CNTNAP2: variants seen among roughly 807,000 people sequenced by gnomAD.
CNTNAP2 encodes contactin-associated protein-like 2.
A neutral mutation model predicts 155.2 loss-of-function variants in CNTNAP2; 98 were observed. The ratio of observed to expected loss-of-function variants is 0.63; its 90% CI spans 0.54 to 0.75. The LOEUF is 0.75. Ranked by LOEUF, CNTNAP2 falls within the 30% of genes least tolerant of loss-of-function variation. The probability of loss-of-function intolerance (pLI) is 0.00; values close to 1 mark genes in which losing one functional copy is unlikely to be tolerated. For missense variants in CNTNAP2, 1,727 were observed against 1,688.1 expected, an observed-to-expected ratio of 1.02 and a Z score of -0.40; for synonymous variants, 651 against 631.2, an observed-to-expected ratio of 1.03 and a Z score of -0.47.
chr7:146,462,219 C>T (rs1796647784), intron 1 of CNTNAP2, among the ~76,000 whole-genome samples: 1 of 152,158 alleles, frequency 6.6e-6, no homozygotes, highest in South Asian at 2.1e-4. Flanking sequence ...ACTGTTTTAT[C>T]TCTACTTAAA....
chr7:146,588,531 T>A lies in CNTNAP2; in HGVS notation c.98-185740T>A, dbSNP rs1299088432. On this transcript the variant is annotated intron_variant, in intron 1 of 23. Coordinates refer to ENST00000361727, the MANE Select transcript of CNTNAP2 (RefSeq NM_014141.6). ...CTTATTATATGTATTTTTTTTTTTTTAAATTTACTCTGTCAATCAGGCTGA... is the reference window on the plus strand; with the variant it reads ...CTTATTATATGTATTTTTTTTTTTTAAAATTTACTCTGTCAATCAGGCTGA... Among the ~76,000 whole-genome samples, 13 of 81,068 alleles carry A rather than the reference T, an allele frequency of 1.6e-4. No homozygotes were observed. The East Asian group carries it at 2.0e-3, about 12-fold the overall frequency. 53.2% of individuals were successfully genotyped at this position (81,068 alleles called of 152,430 possible).
At chr7:146,652,928 G>T (rs1447329744) in intron 1 of CNTNAP2, among the ~76,000 whole-genome samples, 1 of 152,142 alleles carries the variant, frequency 6.6e-6, no homozygotes, top group East Asian at 1.9e-4. Flanking sequence ...TCCAGAGACT[G>T]TGGAGTCTTT....
intron 1 of CNTNAP2, among the ~76,000 whole-genome samples, chr7:146,496,413 A>G (rs1270979247): frequency 6.6e-6 from 1 of 152,234 alleles, no homozygotes; most frequent in Non-Finnish European, 1.5e-5. Context: ...TGATAAATAC[A>G]TTGAATTTAA....
intron 8 of CNTNAP2, among the ~76,000 whole-genome samples, chr7:147,272,172 C>T (rs1291163024): frequency 6.6e-6 from 1 of 152,136 alleles, no homozygotes; most frequent in Non-Finnish European, 1.5e-5. Context: ...GAATTACAGG[C>T]ATAGCCACTG....
At chr7:147,708,185 G>C (rs1416110198) in intron 13 of CNTNAP2, among the ~76,000 whole-genome samples, 1 of 152,140 alleles carries the variant, frequency 6.6e-6, no homozygotes, top group Admixed American at 6.6e-5. Context: ...TGTGTTTAGG[G>C]AACACACATT....
At chr7:146,562,413 A>G (rs1269505707) in intron 1 of CNTNAP2, among the ~76,000 whole-genome samples, 1 of 152,170 alleles carries the variant, frequency 6.6e-6, no homozygotes, top group Non-Finnish European at 1.5e-5. Flanking sequence ...AATTTTAAAT[A>G]CCAAATATAG....
At chr7:146,594,271 A>C (rs1290787471) in intron 1 of CNTNAP2, among the ~76,000 whole-genome samples, 3 of 152,066 alleles carry the variant, frequency 2.0e-5, no homozygotes, top group Admixed American at 6.6e-5. Context: ...TTCTAATGTT[A>C]TTTGATACAA....
At chr7:146,228,809 G>A (rs898131900) in intron 1 of CNTNAP2, among the ~76,000 whole-genome samples, 3 of 151,856 alleles carry the variant, frequency 2.0e-5, no homozygotes, top group African/African-American at 4.8e-5. Flanking sequence ...TTGAGCATAC[G>A]GACAAATTTT....
intron 21 of CNTNAP2, among the ~76,000 whole-genome samples, chr7:148,325,160 T>C (rs1488091799): frequency 1.3e-5 from 2 of 152,262 alleles, no homozygotes; most frequent in African/African-American, 2.4e-5. Flanking sequence ...TTGTCTTTTC[T>C]ATTGTATAAG....
At chr7:147,998,184 T>C (rs1801840704) in intron 15 of CNTNAP2, among the ~76,000 whole-genome samples, 1 of 126,806 alleles carries the variant, frequency 7.9e-6, no homozygotes, top group Non-Finnish European at 1.6e-5. Context: ...CAAACTCCGC[T>C]CCCTGCAACC....
At chr7:147,510,410 A>T (rs1798992954) in intron 11 of CNTNAP2, among the ~76,000 whole-genome samples, 1 of 152,082 alleles carries the variant, frequency 6.6e-6, no homozygotes, top group Non-Finnish European at 1.5e-5. Flanking sequence ...AGTCAAGGAG[A>T]TCCCTGCAGA....
In CNTNAP2 at chr7:148,330,300, C is replaced by T. The variant is rs755793559; in HGVS notation, c.3476-53349C>T. Among the ~76,000 whole-genome samples, 214 of 137,430 alleles carry T rather than the reference C, an allele frequency of 1.6e-3. 1 individual carries two copies. The highest frequency in any genetic ancestry group is 2.8e-3 in the South Asian group (12 of 4,224). 90.2% of individuals were successfully genotyped at this position (137,430 alleles called of 152,430 possible). On this transcript the variant is annotated intron_variant, in intron 21 of 23. Coordinates refer to ENST00000361727, the MANE Select transcript of CNTNAP2 (RefSeq NM_014141.6). Reference sequence around the variant, plus strand: ...GGATCAATGGAGTGGATGGATGGAGCAGACAGATGGAGCAGATGGATAGAG... The same window carrying T: ...GGATCAATGGAGTGGATGGATGGAGTAGACAGATGGAGCAGATGGATAGAG...
At chr7:146,427,053 A>G (rs1159874918) in intron 1 of CNTNAP2, among the ~76,000 whole-genome samples, 2 of 152,202 alleles carry the variant, frequency 1.3e-5, no homozygotes, top group Non-Finnish European at 2.9e-5. Flanking sequence ...AACAAAAACT[A>G]TTATAGTTAA....
chr7:147,329,531 T>C (rs896723383), intron 9 of CNTNAP2, among the ~76,000 whole-genome samples: 2 of 152,148 alleles, frequency 1.3e-5, no homozygotes, highest in East Asian at 1.9e-4. Flanking sequence ...ATTTGTAACA[T>C]AAGATACGAT....
In CNTNAP2 at chr7:147,342,777, T is replaced by A. The variant is rs185600407; in HGVS notation, c.1498+42487T>A. Among the ~76,000 whole-genome samples, 679 of 152,164 alleles carry A rather than the reference T, an allele frequency of 4.5e-3. 2 individuals are homozygous for A. The highest frequency in any genetic ancestry group is 0.016 in the African/African-American group (652 of 41,540). The stretch of plus-strand genomic sequence containing the variant: ...ACAACAGAACAGTAATGAAATGTGA[T>A]CCTAAAAATATTAATAAGTGTTGAC... On this transcript the variant is annotated intron_variant, in intron 9 of 23. Transcript: ENST00000361727.
rs141365567 is a variant in CNTNAP2, at chr7:146,763,785, C to T, written c.98-10486C>T. On this transcript the variant is annotated intron_variant, in intron 1 of 23. Coordinates refer to ENST00000361727, the MANE Select transcript of CNTNAP2 (RefSeq NM_014141.6). ...TAAAATGAAGATCATATTATAAATA[C>T]TGTTTTATAGACTACTTTTTTAGCC... 4.5e-3 allele frequency among the ~76,000 whole-genome samples: 691 copies of T among 152,200 alleles called. 2 individuals carry two copies. The highest frequency in any genetic ancestry group is 6.2e-3 in the South Asian group (30 of 4,828).
intron 1 of CNTNAP2, among the ~76,000 whole-genome samples, chr7:146,744,143 G>A (rs140084574): frequency 4.1e-5 from 6 of 147,544 alleles, no homozygotes; most frequent in East Asian, 2.0e-4. Context: ...CAGGAGAATC[G>A]CTGGAACCTG....
chr7:147,565,598 A>T (rs1194197115), intron 12 of CNTNAP2, among the ~76,000 whole-genome samples: 1 of 152,144 alleles, frequency 6.6e-6, no homozygotes. Flanking sequence ...TGAGAAATTG[A>T]TACATTTTTA....
chr7:147,083,689 C>T (rs1416219728), intron 4 of CNTNAP2, among the ~76,000 whole-genome samples: 1 of 142,738 alleles, frequency 7.0e-6, no homozygotes, highest in Admixed American at 7.1e-5. Context: ...ATATATGATA[C>T]ATAGATATAT....
Sources: allele counts gnomAD v4.1 joint callset (sites outside exome capture counted in the v4.1 genomes callset), GRCh38; gene constraint gnomAD v4.1.1; transcripts MANE v1.5; gene names NCBI Gene and HGNC (gene_info 2026-07-23, HGNC 2026-07-21).